The following GALNT2 variants were observed in gnomAD, a reference collection of about 807,000 sequenced individuals.
GALNT2 encodes UDP-GalNAc:polypeptide N-acetylgalactosaminyltransferase 2.
GALNT2 carries 31 observed loss-of-function variants against 81.4 expected under a neutral mutation model. The observed-to-expected ratio is 0.38, with a 90% CI of 0.29 to 0.51. GALNT2 has a LOEUF of 0.51. Ranked by LOEUF, GALNT2 falls within the 20% of genes least tolerant of loss-of-function variation. GALNT2 has a pLI of 0.87. For missense variants in GALNT2, 629 were observed against 765.7 expected (o/e 0.82, Z 2.11); for synonymous variants, 303 against 287.4 (o/e 1.05, Z -0.55).
intron 2 of GALNT2, among the ~76,000 whole-genome samples, chr1:230,183,509 G>T (rs1046924990): frequency 6.6e-6 from 1 of 152,030 alleles, no homozygotes; most frequent in Non-Finnish European, 1.5e-5. Flanking sequence ...GGTAGTGCAC[G>T]TATCTTATAA....
In GALNT2 at chr1:230,161,351, T is replaced by C. The variant is rs561536194; in HGVS notation, c.127-16867T>C. 2.2e-4 allele frequency among the ~76,000 whole-genome samples: 33 copies of C among 152,324 alleles called. No homozygotes were observed. The South Asian group carries it at 6.4e-3, about 30-fold the overall frequency. Reference sequence around the variant, plus strand: ...CTCAGGGCAGCATTCTAAGAGGGCATGTCCAATGTGCAGGTGTGTATTAAG... The same window carrying C: ...CTCAGGGCAGCATTCTAAGAGGGCACGTCCAATGTGCAGGTGTGTATTAAG... On this transcript the variant is annotated intron_variant, in intron 1 of 15. Coordinates refer to ENST00000366672, the MANE Select transcript of GALNT2 (RefSeq NM_004481.5).
At chr1:230,124,317 G>A (rs927075972) in intron 1 of GALNT2, among the ~76,000 whole-genome samples, 12 of 152,342 alleles carry the variant, frequency 7.9e-5, no homozygotes, top group Admixed American at 5.2e-4. Flanking sequence ...GTGTGCTGGT[G>A]TGTTGCAAAA....
chr1:230,279,614 CTG>C lies in GALNT2; in HGVS notation c.*159_*160del, dbSNP rs775510411. The C allele has an allele frequency of 3.7e-5, 34 of 917,558 alleles. No homozygotes were observed. Among genetic ancestry groups the C allele is most frequent in the Non-Finnish European group, 5.1e-5 (32 of 621,604 alleles). 56.8% of individuals were successfully genotyped at this position (917,558 alleles called of 1,614,324 possible). On this transcript the variant is annotated 3_prime_UTR_variant, in exon 16 of 16. Coordinates refer to ENST00000366672, the MANE Select transcript of GALNT2 (RefSeq NM_004481.5). This position sits in a 1 kb window ranked among gnomAD's most constrained non-coding sequence, Gnocchi z 4.6. ...TCAAACTTCGGCAAGGCACGGACGA[CTG>C]TGCAGACACAGCAGCGGCAAGAAGC... is the stretch of plus-strand genomic sequence containing the variant.
intron 3 of GALNT2, among the ~76,000 whole-genome samples, chr1:230,223,504 T>C (rs1462154307): frequency 6.6e-6 from 1 of 152,164 alleles, no homozygotes; most frequent in Non-Finnish European, 1.5e-5. Context: ...AGTCTTACTC[T>C]GTCACCCAGG....
At chr1:230,264,609 T>C (rs2279432) in intron 13 of GALNT2, 69,707 of 152,130 alleles carry the variant, frequency 0.46, 16,624 homozygotes, top group East Asian at 0.73. Context: ...AGCCAGGCAC[T>C]GGGCCGTGTG....
chr1:230,220,406 C>A (rs1361111444), intron 3 of GALNT2, among the ~76,000 whole-genome samples: 2 of 152,020 alleles, frequency 1.3e-5, no homozygotes, highest in Non-Finnish European at 2.9e-5. Context: ...CCAGAGCCTA[C>A]TTTTGGGTTG....
intron 1 of GALNT2, among the ~76,000 whole-genome samples, chr1:230,170,376 T>G (rs1662752173): frequency 6.6e-6 from 1 of 152,170 alleles, no homozygotes; most frequent in Non-Finnish European, 1.5e-5. Flanking sequence ...ATTCTAATGA[T>G]GAGTAGGAGG....
At chr1:230,200,053 CT>C (rs1351507307) in intron 2 of GALNT2, among the ~76,000 whole-genome samples, 7 of 129,732 alleles carry the variant, frequency 5.4e-5, no homozygotes, top group South Asian at 2.4e-4. Context: ...TCATTTAATT[CT>C]TTTTTTTCTT....
intron 1 of GALNT2, among the ~76,000 whole-genome samples, chr1:230,138,955 T>C (rs1016950926): frequency 2.6e-5 from 4 of 152,186 alleles, no homozygotes; most frequent in Non-Finnish European, 5.9e-5. Context: ...TCTTGTCTTA[T>C]CCTGTGACTG....
chr1:230,241,810 T>G lies in GALNT2; in HGVS notation c.608-1496T>G, dbSNP rs371954723. Among the ~76,000 whole-genome samples the G allele has an allele frequency of 2.6e-5, 4 of 152,348 alleles. No homozygotes were observed. The South Asian group carries it at 6.2e-4, about 24-fold the overall frequency. On this transcript the variant is annotated intron_variant, in intron 6 of 15. Transcript: ENST00000366672. ...AGTCTATATTCCTATGTGTGGTCTT[T>G]CTGAAGTTCCTGTAGAAGAACTGAG...
At chr1:230,087,448 G>A (rs1659932943) in intron 1 of GALNT2, among the ~76,000 whole-genome samples, 1 of 152,178 alleles carries the variant, frequency 6.6e-6, no homozygotes, top group African/African-American at 2.4e-5. Context: ...CTTGCCATCT[G>A]TCTTTCTTGC....
chr1:230,086,643 C>T (rs1206782228), intron 1 of GALNT2, among the ~76,000 whole-genome samples: 3 of 152,138 alleles, frequency 2.0e-5, no homozygotes, highest in African/African-American at 7.2e-5. Flanking sequence ...CCTTGGCTCA[C>T]CCCTGCTCAG....
intron 3 of GALNT2, among the ~76,000 whole-genome samples, chr1:230,233,108 C>T (rs1053751069): frequency 2.6e-5 from 4 of 152,184 alleles, no homozygotes; most frequent in African/African-American, 9.7e-5. Flanking sequence ...AAGGTGCGGC[C>T]ATTGCTGTGA....
rs528766797 is a variant in GALNT2, at chr1:230,238,176, G to A, written c.607+1451G>A. 2.0e-5 allele frequency among the ~76,000 whole-genome samples: 3 copies of A among 152,300 alleles called. No homozygotes were observed. In the East Asian group the frequency reaches 5.8e-4, roughly 29 times the overall value. ...TATATGTACCCATGTGTGTGTATAA[G>A]ATCCCATCTATGTAAGCATACACAC... On this transcript the variant is annotated intron_variant, in intron 6 of 15. Transcript: ENST00000366672.
intron 1 of GALNT2, among the ~76,000 whole-genome samples, chr1:230,153,090 G>T (rs964886274): frequency 1.3e-5 from 2 of 152,114 alleles, no homozygotes; most frequent in Non-Finnish European, 2.9e-5. Context: ...TAGAGATGAG[G>T]TCTTACCGTG....
At chr1:230,103,209 G>T (rs1660450609) in intron 1 of GALNT2, among the ~76,000 whole-genome samples, 1 of 152,130 alleles carries the variant, frequency 6.6e-6, no homozygotes, top group Admixed American at 6.5e-5. Context: ...TTTAATAATT[G>T]TTCCCTGGAT....
At chr1:230,235,944 C>T (rs1458659619) in intron 3 of GALNT2, 70 bp from the exon 4 acceptor site, 7 of 1,450,912 alleles carry the variant, frequency 4.8e-6, no homozygotes, top group Non-Finnish European at 6.7e-6. Flanking sequence ...TGCCTGTTCT[C>T]TGAAGGGCTA....
chr1:230,265,486 A>G, intron 14 of GALNT2, 119 bp downstream of exon 14: 1 of 1,405,080 alleles, frequency 7.1e-7, no homozygotes. Flanking sequence ...GTCTATGAGG[A>G]AGCACCTGGC....
chr1:230,256,424 C>G (rs528116793), intron 11 of GALNT2, among the ~76,000 whole-genome samples: 1 of 142,348 alleles, frequency 7.0e-6, no homozygotes, highest in Admixed American at 7.3e-5. Context: ...CCAACCTGGG[C>G]AACAGAGCGA....
Sources: allele counts gnomAD v4.1 joint callset (sites outside exome capture counted in the v4.1 genomes callset), GRCh38; gene constraint gnomAD v4.1.1; non-coding constraint Gnocchi (gnomAD v3.1); transcripts MANE v1.5; gene names NCBI Gene and HGNC (gene_info 2026-07-23, HGNC 2026-07-21).